The following EYA4 variants were observed in gnomAD, a reference collection of about 807,000 sequenced individuals.
EYA4 encodes the protein EYA transcriptional coactivator and phosphatase 4.
In EYA4, 31 loss-of-function variants were observed where a neutral mutation model predicts 87.9. The ratio of observed to expected loss-of-function variants is 0.35; its 90% confidence interval spans 0.27 to 0.48. The LOEUF is 0.48. EYA4 is among the 20% of genes least tolerant of loss of function. EYA4 has a pLI of 0.99. For missense variants in EYA4, 678 were observed against 761.4 expected, an observed-to-expected ratio of 0.89 and a Z score of 1.29; for synonymous variants, 263 against 270.6, an observed-to-expected ratio of 0.97 and a Z score of 0.28.
At chr6:133,329,640 T>G (rs1295975337) in intron 2 of EYA4, among the ~76,000 whole-genome samples, 1 of 152,104 alleles carries the variant, frequency 6.6e-6, no homozygotes, top group Non-Finnish European at 1.5e-5. Flanking sequence ...ACATTGCATA[T>G]GTCTTCTAGT....
At chr6:133,278,673 C>T (rs2128277771) in intron 2 of EYA4, among the ~76,000 whole-genome samples, 1 of 152,260 alleles carries the variant, frequency 6.6e-6, no homozygotes, top group East Asian at 1.9e-4. Context: ...ATGAATTTAA[C>T]TGCATATGAC....
intron 1 of EYA4, among the ~76,000 whole-genome samples, chr6:133,257,083 A>C (rs1775399134): frequency 6.6e-6 from 1 of 152,140 alleles, no homozygotes; most frequent in South Asian, 2.1e-4. Flanking sequence ...TTGCTAACTT[A>C]AGTACTGTAT....
intron 2 of EYA4, among the ~76,000 whole-genome samples, chr6:133,334,656 A>G (rs1782229597): frequency 6.6e-6 from 1 of 152,148 alleles, no homozygotes; most frequent in South Asian, 2.1e-4. Context: ...CAATCTACCT[A>G]TTTGATCTCT....
At chr6:133,483,213 T>C in intron 13 of EYA4, 98 bp downstream of exon 13, 1 of 843,704 alleles carries the variant, frequency 1.2e-6, no homozygotes, top group Non-Finnish European at 2.0e-6. Flanking sequence ...AGTGTTTTTT[T>C]ATTGCAGTCT....
intron 2 of EYA4, among the ~76,000 whole-genome samples, chr6:133,358,702 A>C (rs1784248346): frequency 6.6e-6 from 1 of 152,194 alleles, no homozygotes; most frequent in South Asian, 2.1e-4. Context: ...ATTCTGCTCC[A>C]GGCACTGTGC....
intron 3 of EYA4, among the ~76,000 whole-genome samples, chr6:133,396,345 CAAATAGA>C (rs1312107946): frequency 1.1e-4 from 16 of 152,188 alleles, no homozygotes; most frequent in Admixed American, 3.9e-4. Context: ...TATTATTCTT[CAAATAGA>C]AGAGCTAAAG....
intron 3 of EYA4, among the ~76,000 whole-genome samples, chr6:133,386,420 AAAT>A (rs1225300840): frequency 3.9e-5 from 6 of 152,146 alleles, no homozygotes; most frequent in Admixed American, 1.3e-4. Context: ...TGAGGTGAGG[AAAT>A]AATTTATTTC....
chr6:133,260,239 AT>A (rs142398755), intron 1 of EYA4, among the ~76,000 whole-genome samples: 21,603 of 149,562 alleles, frequency 0.14, 1,970 homozygotes, highest in Non-Finnish European at 0.21. Flanking sequence ...GTAGCTTATA[AT>A]TTTTTTTTTC....
chr6:133,449,057 A>G (rs1183163079), intron 5 of EYA4, among the ~76,000 whole-genome samples: 1 of 152,208 alleles, frequency 6.6e-6, no homozygotes, highest in East Asian at 1.9e-4. Context: ...ATGTTTTTCA[A>G]TTTTATACTT....
chr6:133,347,971 A>T (rs1024808012), intron 2 of EYA4, among the ~76,000 whole-genome samples: 1 of 152,184 alleles, frequency 6.6e-6, no homozygotes, highest in African/African-American at 2.4e-5. Context: ...AATGTTATAA[A>T]GGGGAGCATA....
intron 3 of EYA4, among the ~76,000 whole-genome samples, chr6:133,423,245 T>A (rs1026315250): frequency 6.6e-6 from 1 of 152,186 alleles, no homozygotes; most frequent in African/African-American, 2.4e-5. Flanking sequence ...TATCAGTATT[T>A]ATGCAAAATA....
chr6:133,305,255 A>T (rs1307328560), intron 2 of EYA4, among the ~76,000 whole-genome samples: 1 of 152,132 alleles, frequency 6.6e-6, no homozygotes, highest in Non-Finnish European at 1.5e-5. Flanking sequence ...TTTATTGGTC[A>T]TTATTAGGAT....
chr6:133,283,207 T>A (rs562252012), intron 2 of EYA4, among the ~76,000 whole-genome samples: 1 of 152,012 alleles, frequency 6.6e-6, no homozygotes, highest in African/African-American at 2.4e-5. Flanking sequence ...GGCATGAGAA[T>A]TGCTTGAACC....
intron 1 of EYA4, among the ~76,000 whole-genome samples, chr6:133,266,415 C>T (rs1264645346): frequency 1.3e-5 from 2 of 152,088 alleles, no homozygotes; most frequent in African/African-American, 4.8e-5. Context: ...CATAAATCTG[C>T]CAGCACCTTG....
intron 2 of EYA4, among the ~76,000 whole-genome samples, chr6:133,346,635 A>T (rs776806987): frequency 2.0e-5 from 3 of 152,200 alleles, no homozygotes; most frequent in Non-Finnish European, 4.4e-5. Flanking sequence ...GTGTCACTTC[A>T]TACTAAGTCC....
intron 3 of EYA4, among the ~76,000 whole-genome samples, chr6:133,395,785 C>T (rs1454231349): frequency 6.6e-6 from 1 of 152,046 alleles, no homozygotes; most frequent in African/African-American, 2.4e-5. Context: ...AATAAAAACC[C>T]TCTAAGTTTG....
intron 2 of EYA4, among the ~76,000 whole-genome samples, chr6:133,370,167 A>G (rs1340732861): frequency 6.6e-6 from 1 of 152,178 alleles, no homozygotes; most frequent in Non-Finnish European, 1.5e-5. Flanking sequence ...ACACAGTTTC[A>G]TTCTACTGAC....
intron 3 of EYA4, among the ~76,000 whole-genome samples, chr6:133,440,266 C>T (rs1792141468): frequency 6.6e-6 from 1 of 152,062 alleles, no homozygotes; most frequent in South Asian, 2.1e-4. Context: ...TAAATGACAC[C>T]TAAATAAATA....
intron 11 of EYA4, 100 bp downstream of exon 11, chr6:133,468,831 A>G (rs1457194218): frequency 4.2e-6 from 5 of 1,187,502 alleles, no homozygotes; most frequent in Admixed American, 3.5e-5. Context: ...AAGCTCCCAG[A>G]TAATTGTGCT....
Sources: gnomAD v4.1 joint callset for allele counts (sites outside exome capture counted in the v4.1 genomes callset) on GRCh38, gnomAD v4.1.1 for gene constraint, MANE v1.5 for transcripts, NCBI Gene and HGNC (gene_info 2026-07-23, HGNC 2026-07-21) for gene names.